Variants in SORCS1 observed in about 807,000 individuals in gnomAD.
SORCS1 encodes sortilin related VPS10 domain containing receptor 1.
A neutral mutation model predicts 146.1 loss-of-function variants in SORCS1; 60 were observed. The ratio of observed to expected loss-of-function variants is 0.41; its 90% CI spans 0.33 to 0.51. The LOEUF (loss-of-function observed/expected upper bound fraction) is 0.51, where lower values mean the gene tolerates loss of function less well. Ranked by LOEUF, SORCS1 falls within the 20% of genes least tolerant of loss-of-function variation. The probability of loss-of-function intolerance (pLI) is 0.21; values close to 1 mark genes in which losing one functional copy is unlikely to be tolerated. For synonymous variants in SORCS1, 637 were observed against 584.0 expected (o/e 1.09, Z -1.31); for missense variants, 1,352 against 1,487.6 (o/e 0.91, Z 1.50).
intron 2 of SORCS1, among the ~76,000 whole-genome samples, chr10:106,834,162 C>T (rs1272493234): frequency 1.3e-5 from 2 of 152,196 alleles, no homozygotes; most frequent in African/African-American, 2.4e-5. Context: ...CAGTTCTAGT[C>T]GCACATTTAT....
intron 3 of SORCS1, among the ~76,000 whole-genome samples, chr10:106,805,270 G>A (rs1301233893): frequency 6.6e-6 from 1 of 152,122 alleles, no homozygotes; most frequent in African/African-American, 2.4e-5. Flanking sequence ...AGTCTGATAA[G>A]GATCCTACGA....
In SORCS1 at chr10:107,164,449, G is replaced by A. The variant is rs1039759810; in HGVS notation, c.78C>T (p.Leu26=). The A allele has an allele frequency of 1.4e-6, 2 of 1,393,894 alleles. No individual in the cohort carries two copies. The highest frequency in any genetic ancestry group is 9.2e-7 in the Non-Finnish European group (1 of 1,081,282). 86.3% of individuals were successfully genotyped at this position (1,393,894 alleles called of 1,614,324 possible). A position where few individuals can be genotyped will look rare whatever the true frequency, so the allele number is the denominator to read the frequency against. Residue 26 remains leucine (L), a synonymous_variant, in exon 1 of 26, where the codon CTC becomes CTT. Coordinates refer to ENST00000263054, the MANE Select transcript of SORCS1 (RefSeq NM_052918.5). The surrounding 1 kb of genome is among the most constrained non-coding windows in gnomAD (Gnocchi z 6.8). ...CGCCGCCGCAGACGCCCGGGGCGCA[G>A]AGGATCAAGAGCCCCGCGCCGGCGA... ...ALLAGAGLLI[L]CAPGVCGGGS...
chr10:106,596,877 C>A (rs976560239), intron 24 of SORCS1, among the ~76,000 whole-genome samples: 2 of 152,034 alleles, frequency 1.3e-5, no homozygotes, highest in African/African-American at 4.8e-5. Flanking sequence ...AAAATATTAC[C>A]TTCTCACTGG....
intron 4 of SORCS1, among the ~76,000 whole-genome samples, chr10:106,769,986 G>A (rs112616184): frequency 7.2e-5 from 11 of 152,252 alleles, no homozygotes; most frequent in African/African-American, 2.2e-4. Context: ...CCAGCTATGC[G>A]GGAAGCTGAG....
upstream of SORCS1, among the ~76,000 whole-genome samples, chr10:107,164,715 C>T (rs1188384762): frequency 1.3e-5 from 2 of 149,704 alleles, no homozygotes; most frequent in African/African-American, 2.4e-5. This position sits in a 1 kb window ranked among gnomAD's most constrained non-coding sequence, Gnocchi z 6.8. Flanking sequence ...GTGCCGAGCG[C>T]GGGTCCGGAC....
chr10:106,806,091 C>T (rs908256741), intron 3 of SORCS1, among the ~76,000 whole-genome samples: 5 of 145,980 alleles, frequency 3.4e-5, no homozygotes, highest in Admixed American at 7.0e-5. Context: ...TGGAGTAGGC[C>T]GGGCACGGTG....
chr10:106,979,738 C>G (rs1956175208), intron 1 of SORCS1, among the ~76,000 whole-genome samples: 1 of 152,198 alleles, frequency 6.6e-6, no homozygotes, highest in Non-Finnish European at 1.5e-5. Flanking sequence ...GTGTGGCCCT[C>G]TCAGGCATTT....
At chr10:106,899,860 C>A (rs1429175915) in intron 2 of SORCS1, among the ~76,000 whole-genome samples, 2 of 152,070 alleles carry the variant, frequency 1.3e-5, no homozygotes, top group African/African-American at 4.8e-5. Flanking sequence ...TACAGGGTTA[C>A]ATGTAAATAG....
chr10:107,048,904 A>C (rs774120861), intron 1 of SORCS1, among the ~76,000 whole-genome samples: 2 of 152,156 alleles, frequency 1.3e-5, no homozygotes, highest in Non-Finnish European at 2.9e-5. Flanking sequence ...ACCTGTACTA[A>C]GGACTCTTTA....
chr10:107,109,884 T>C (rs947117900), intron 1 of SORCS1, among the ~76,000 whole-genome samples: 2 of 152,204 alleles, frequency 1.3e-5, no homozygotes, highest in Non-Finnish European at 1.5e-5. Flanking sequence ...AGGACATATC[T>C]TGAATACTTT....
intron 3 of SORCS1, among the ~76,000 whole-genome samples, chr10:106,783,389 T>C (rs1357904224): frequency 2.0e-5 from 3 of 152,216 alleles, no homozygotes; most frequent in African/African-American, 7.2e-5. Context: ...GAAGATCAGA[T>C]AAGATTATCT....
rs530717890 is a variant in SORCS1, at chr10:106,819,446, A to C, written c.726+10128T>G. On this transcript the variant is annotated intron_variant, in intron 3 of 25. Coordinates refer to ENST00000263054, the MANE Select transcript of SORCS1 (RefSeq NM_052918.5). ...AAATTCATAATGACCACCTTCAAAT[A>C]ACAAAGTGTATCTCCGCAGTGACAG... 1.1e-4 allele frequency among the ~76,000 whole-genome samples: 16 copies of C among 152,324 alleles called. No individual in the cohort carries two copies. In the East Asian group the frequency reaches 3.1e-3, roughly 29 times the overall value.
chr10:106,699,364 A>G lies in SORCS1; in HGVS notation c.1263T>C (p.Asn421=). 6.2e-7 allele frequency: 1 copy of G among 1,613,458 alleles called. No homozygotes were observed. Among genetic ancestry groups the G allele is most frequent in the East Asian group, 2.2e-5 (1 of 44,868 alleles). The change falls in exon 9 of 26, where the codon AAT becomes AAC. Residue 421 remains asparagine (N), a synonymous_variant. Transcript: ENST00000263054. Reference sequence around the variant, plus strand: ...ATTCTTGGACCGCTGCGAACACCTGATTCTCATCGGTGCTGATAACATGCA... The same window carrying G: ...ATTCTTGGACCGCTGCGAACACCTGGTTCTCATCGGTGCTGATAACATGCA... ...KDMHVISTDE[N]QVFAAVQEWN...
intron 1 of SORCS1, among the ~76,000 whole-genome samples, chr10:107,008,288 T>C (rs1412875937): frequency 6.6e-6 from 1 of 152,222 alleles, no homozygotes; most frequent in Non-Finnish European, 1.5e-5. Context: ...ACCCTCAATG[T>C]AATTTATGCA....
intron 1 of SORCS1, among the ~76,000 whole-genome samples, chr10:107,089,167 A>AT (rs1328548237): frequency 6.6e-6 from 1 of 151,844 alleles, no homozygotes; most frequent in Non-Finnish European, 1.5e-5. Flanking sequence ...CAAACCTTTT[A>AT]TTTTTTTTAG....
At chr10:107,038,060 T>C (rs1486369279) in intron 1 of SORCS1, among the ~76,000 whole-genome samples, 1 of 152,052 alleles carries the variant, frequency 6.6e-6, no homozygotes, top group Non-Finnish European at 1.5e-5. Flanking sequence ...TGGCCTCAGG[T>C]GATCTGCCCG....
At chr10:107,107,274 A>G (rs1965373423) in intron 1 of SORCS1, among the ~76,000 whole-genome samples, 1 of 152,242 alleles carries the variant, frequency 6.6e-6, no homozygotes, top group Non-Finnish European at 1.5e-5. Context: ...TCAATCTTAG[A>G]AAATACCTAT....
chr10:106,720,758 C>T (rs756401714), intron 6 of SORCS1, among the ~76,000 whole-genome samples: 1 of 151,956 alleles, frequency 6.6e-6, no homozygotes, highest in Non-Finnish European at 1.5e-5. Context: ...CACCTTTGTT[C>T]TCTCAGCCTC....
chr10:106,762,386 C>CTTTTTTTTTTTTTTTT lies in SORCS1; in HGVS notation c.886-741_886-726dup, dbSNP rs869195563. Among the ~76,000 whole-genome samples the CTTTTTTTTTTTTTTTT allele has an allele frequency of 1.9e-3, 139 of 73,820 alleles. 2 individuals are homozygous for CTTTTTTTTTTTTTTTT. The highest frequency in any genetic ancestry group is 5.8e-3 in the East Asian group (12 of 2,058). 48.4% of individuals were successfully genotyped at this position (73,820 alleles called of 152,430 possible). A position where few individuals can be genotyped will look rare whatever the true frequency, so the allele number is the denominator to read the frequency against. On this transcript the variant is annotated intron_variant, in intron 4 of 25. Coordinates refer to ENST00000263054, the MANE Select transcript of SORCS1 (RefSeq NM_052918.5). ...TTCTTTCTAAGTCTTTTTTATTATT[C>CTTTTTTTTTTTTTTTT]TTTTTTTTTTTTTTTTTTTTTTTTG... is the stretch of plus-strand genomic sequence containing the variant.
Sources: allele counts gnomAD v4.1 joint callset (sites outside exome capture counted in the v4.1 genomes callset), GRCh38; gene constraint gnomAD v4.1.1; non-coding constraint Gnocchi (gnomAD v3.1); transcripts MANE v1.5; gene names NCBI Gene and HGNC (gene_info 2026-07-23, HGNC 2026-07-21).